ABCA5: variants seen among roughly 807,000 people sequenced by gnomAD.
ABCA5 encodes cholesterol transporter ABCA5.
ABCA5 carries 163 observed loss-of-function variants against 206.0 expected under a neutral mutation model. The ratio of observed to expected loss-of-function variants is 0.79; its 90% CI spans 0.70 to 0.90. ABCA5 has a LOEUF of 0.90. Among genes scored for constraint, ABCA5 ranks in the 40% least tolerant of loss-of-function variants. The pLI is 0.00. For synonymous variants in ABCA5, 609 were observed against 613.8 expected (o/e 0.99, Z 0.11); for missense variants, 1,859 against 1,912.9 (o/e 0.97, Z 0.53).
At chr17:69,272,893 C>A (rs897312305) in intron 20 of ABCA5, among the ~76,000 whole-genome samples, 2 of 152,118 alleles carry the variant, frequency 1.3e-5, no homozygotes, top group African/African-American at 4.8e-5. Context: ...TGGGCAAAGT[C>A]TTTTTTGAAT....
At chr17:69,260,927 G>A (rs1260962417) in intron 26 of ABCA5, among the ~76,000 whole-genome samples, 198 bp downstream of exon 26, 1 of 151,878 alleles carries the variant, frequency 6.6e-6, no homozygotes, top group African/African-American at 2.4e-5. Context: ...AACCTGTAAT[G>A]AACATAGCCC....
chr17:69,292,560 G>T (rs780474527), intron 11 of ABCA5, among the ~76,000 whole-genome samples: 2 of 152,038 alleles, frequency 1.3e-5, no homozygotes, highest in Admixed American at 6.6e-5. Context: ...TAATTTTACT[G>T]CATCCTTTCC....
chr17:69,309,610 A>G (rs1009363745), intron 3 of ABCA5, among the ~76,000 whole-genome samples, 187 bp from the exon 4 acceptor site: 1 of 152,196 alleles, frequency 6.6e-6, no homozygotes, highest in African/African-American at 2.4e-5. Context: ...TGGAAGACCA[A>G]GATGGGAGGA....
At chr17:69,301,450 A>C (rs995264147) in intron 8 of ABCA5, among the ~76,000 whole-genome samples, 164 bp from the exon 9 acceptor site, 4 of 152,164 alleles carry the variant, frequency 2.6e-5, no homozygotes, top group Non-Finnish European at 5.9e-5. Context: ...TATAAGGAAA[A>C]CAATAAAGAC....
At chr17:69,298,285 G>GGAAGAA in intron 9 of ABCA5, among the ~76,000 whole-genome samples, 1 of 43,152 alleles carries the variant, frequency 2.3e-5, no homozygotes, top group East Asian at 1.1e-3. Flanking sequence ...GGAAGGAAGG[G>GGAAGAA]AGGGAGGGGA....
At chr17:69,302,148 T>A (rs563540533) in intron 8 of ABCA5, among the ~76,000 whole-genome samples, 1 of 152,210 alleles carries the variant, frequency 6.6e-6, no homozygotes, top group African/African-American at 2.4e-5. Context: ...GCCAAATTCA[T>A]GTTCCACTAC....
intron 24 of ABCA5, 35 bp downstream of exon 24, chr17:69,264,700 T>A (rs892673593): frequency 4.4e-6 from 6 of 1,356,352 alleles, no homozygotes; most frequent in Non-Finnish European, 5.8e-6. Flanking sequence ...ACATTCTATC[T>A]ATAAATAGCA....
Position 69,277,846 on chromosome 17 carries a change from T to A in ABCA5, c.2393-4A>T, listed in dbSNP as rs768706207. 6.7e-7 allele frequency: 1 copy of A among 1,497,892 alleles called. No homozygotes were observed. The allele number at this position is 1,497,892 out of a possible 1,614,324, so 92.8% of individuals were successfully genotyped here. On this transcript the variant is annotated splice_polypyrimidine_tract_variant and splice_region_variant and intron_variant, in intron 18 of 38. Transcript: ENST00000392676. ...TGCTGAGTAAATACACTATAATCTA[T>A]TTGCCAAAACAAAACAAACATTTCA...
intron 1 of ABCA5, among the ~76,000 whole-genome samples, chr17:69,324,014 C>G (rs1285261511): frequency 1.3e-5 from 2 of 152,190 alleles, no homozygotes; most frequent in Non-Finnish European, 2.9e-5. Context: ...TGCTTTTGTG[C>G]TACAACAGTA....
At chr17:69,304,493 T>C in intron 7 of ABCA5, 176 bp downstream of exon 7, 1 of 493,404 alleles carries the variant, frequency 2.0e-6, no homozygotes, top group Non-Finnish European at 3.4e-6. Flanking sequence ...TTTGTAACAT[T>C]ACTAAAAATA....
At position 69,250,493 on chromosome 17, in the gene ABCA5, G is replaced by A. The variant is rs2074999442; in HGVS notation, c.4664C>T (p.Pro1555Leu). Residue 1555 changes from proline (P) to leucine (L), a missense_variant, in exon 36 of 39, where the codon CCA becomes CTA. Transcript: ENST00000392676. Reference protein sequence around the residue: ...RLQREIQYIFPNASRQESFSS... With the variant: ...RLQREIQYIFLNASRQESFSS... ...TTACCTTTCCTGACGGCTTGCATTT[G>A]GGAAAATATACTGAATTTCTCTTTG... is the stretch of plus-strand genomic sequence containing the variant. 2.5e-6 allele frequency: 4 copies of A among 1,607,408 alleles called. No individual in the cohort carries two copies. In the East Asian group the frequency reaches 9.0e-5, roughly 36 times the overall value.
intron 6 of ABCA5, 89 bp from the exon 7 acceptor site, chr17:69,304,899 C>T: frequency 8.2e-7 from 1 of 1,212,176 alleles, no homozygotes; most frequent in South Asian, 2.3e-5. Flanking sequence ...TAGATTTTAG[C>T]CATTTTATTC....
chr17:69,268,163 A>G, intron 22 of ABCA5, 107 bp from the exon 23 acceptor site: 1 of 563,588 alleles, frequency 1.8e-6, no homozygotes, highest in Non-Finnish European at 3.2e-6. Flanking sequence ...CCTCAGAAAG[A>G]ATGTATTAGA....
At chr17:69,264,705 A>G in intron 24 of ABCA5, 30 bp downstream of exon 24, 3 of 1,389,504 alleles carry the variant, frequency 2.2e-6, no homozygotes, top group Non-Finnish European at 2.9e-6. Context: ...CTATCTATAA[A>G]TAGCATGAGT....
At chr17:69,323,341 G>A (rs1181432326) in intron 1 of ABCA5, among the ~76,000 whole-genome samples, 2 of 152,058 alleles carry the variant, frequency 1.3e-5, no homozygotes, top group African/African-American at 2.4e-5. Context: ...CACTAACCTC[G>A]TACGAAAAAT....
At position 69,261,667 on chromosome 17, in the gene ABCA5, T is replaced by C; in HGVS notation, c.3397A>G (p.Thr1133Ala). The C allele has an allele frequency of 6.7e-7, 1 of 1,483,618 alleles. No individual in the cohort carries two copies. Among genetic ancestry groups the C allele is most frequent in the Non-Finnish European group, 9.1e-7 (1 of 1,098,330 alleles). 91.9% of individuals were successfully genotyped at this position (1,483,618 alleles called of 1,614,324 possible). The stretch of plus-strand genomic sequence containing the variant: ...TAGATAAATGACCAAAATTCTTTGG[T>C]ATTTAAAATTTTCTTAAAGGTGAAA... ...ASFTFKKILN[T>A]KEFWSFIYSV... is the part of the protein sequence containing the mutation. The change falls in exon 25 of 39, where the codon ACC (threonine) becomes GCC (alanine). Residue 1133 changes from threonine (T) to alanine (A), a missense_variant. Coordinates refer to ENST00000392676, the MANE Select transcript of ABCA5 (RefSeq NM_172232.4).
chr17:69,259,676 A>G, intron 28 of ABCA5, 30 bp downstream of exon 28: 1 of 1,432,948 alleles, frequency 7.0e-7, no homozygotes, highest in Middle Eastern at 2.0e-4. Flanking sequence ...TATACTAAAA[A>G]CATTTAAAAT....
At chr17:69,325,810 C>T (rs2075893429) in intron 1 of ABCA5, 1 of 152,172 alleles carries the variant, frequency 6.6e-6, no homozygotes, top group East Asian at 1.9e-4. Flanking sequence ...TAGCCCGAGA[C>T]GCTGTCTCTT....
At chr17:69,319,872 A>T (rs1433768037) in intron 1 of ABCA5, among the ~76,000 whole-genome samples, 1 of 152,236 alleles carries the variant, frequency 6.6e-6, no homozygotes, top group Admixed American at 6.5e-5. Flanking sequence ...AGAACTAATA[A>T]TGCCCAAAGT....
Sources: allele counts gnomAD v4.1 joint callset (sites outside exome capture counted in the v4.1 genomes callset), GRCh38; gene constraint gnomAD v4.1.1; transcripts MANE v1.5; gene names NCBI Gene and HGNC (gene_info 2026-07-23, HGNC 2026-07-21).